Variants in ADGB observed in about 807,000 individuals in gnomAD.
ADGB encodes the protein androglobin, also known as calpain-7-like protein.
Under a neutral mutation model 210.5 loss-of-function variants are expected in ADGB, and 172 were observed. The observed-to-expected ratio is 0.82, with a 90% CI of 0.72 to 0.93. ADGB has a LOEUF of 0.93. Among genes scored for constraint, ADGB ranks in the 40% least tolerant of loss-of-function variants. ADGB has a pLI of 0.00. For missense variants in ADGB, 2,025 were observed against 1,964.8 expected (o/e 1.03, Z -0.58); for synonymous variants, 658 against 662.7 (o/e 0.99, Z 0.11).
At chr6:146,642,763 A>G (rs767632700) in intron 2 of ADGB, among the ~76,000 whole-genome samples, 3 of 151,820 alleles carry the variant, frequency 2.0e-5, no homozygotes, top group Non-Finnish European at 4.4e-5. Context: ...CTACTTGATT[A>G]GGGAGGCTGG....
At chr6:146,747,969 G>A (rs529853904) in intron 26 of ADGB, among the ~76,000 whole-genome samples, 1 of 151,628 alleles carries the variant, frequency 6.6e-6, no homozygotes, top group East Asian at 1.9e-4. Context: ...TTTTTGTAGA[G>A]ATCAGGTCTC....
At chr6:146,806,966 G>A (rs999021175) in intron 35 of ADGB, among the ~76,000 whole-genome samples, 4 of 152,242 alleles carry the variant, frequency 2.6e-5, no homozygotes, top group Non-Finnish European at 4.4e-5. Context: ...AGTAACCAAC[G>A]GATTTGGCCA....
intron 27 of ADGB, among the ~76,000 whole-genome samples, chr6:146,758,311 G>T (rs1777439209): frequency 1.3e-5 from 2 of 151,928 alleles, no homozygotes; most frequent in African/African-American, 4.8e-5. Context: ...TTCACAGAGG[G>T]AACTCAATTC....
intron 1 of ADGB, among the ~76,000 whole-genome samples, chr6:146,627,666 C>T (rs1780997403): frequency 1.3e-5 from 2 of 152,120 alleles, no homozygotes; most frequent in South Asian, 4.1e-4. Context: ...CTTTGGGTAG[C>T]TTCCTCATGC....
At chr6:146,672,527 A>G in intron 8 of ADGB, 60 bp downstream of exon 8, 1 of 1,456,100 alleles carries the variant, frequency 6.9e-7, no homozygotes, top group Non-Finnish European at 9.1e-7. Context: ...ATGCCTTACA[A>G]TTTTATTTGA....
intron 13 of ADGB, among the ~76,000 whole-genome samples, chr6:146,704,772 A>G (rs928438948): frequency 6.6e-6 from 1 of 151,992 alleles, no homozygotes; most frequent in Admixed American, 6.6e-5. Context: ...GTGGTTTCAC[A>G]TGGATTTTAG....
At chr6:146,658,337 T>A (rs538141410) in intron 5 of ADGB, among the ~76,000 whole-genome samples, 2 of 152,224 alleles carry the variant, frequency 1.3e-5, no homozygotes, top group African/African-American at 4.8e-5. Flanking sequence ...GACTAGACTT[T>A]AAGTTTTAAA....
intron 12 of ADGB, among the ~76,000 whole-genome samples, chr6:146,699,635 A>C (rs75691523): frequency 0.029 from 4,449 of 152,146 alleles, 189 homozygotes; most frequent in African/African-American, 0.1. Context: ...GGCAGCCCTC[A>C]AGCCAGCCAA....
chr6:146,611,706 T>G (rs1780713969), intron 1 of ADGB, among the ~76,000 whole-genome samples: 1 of 152,062 alleles, frequency 6.6e-6, no homozygotes, highest in African/African-American at 2.4e-5. Context: ...CTTCTGAAGA[T>G]CAAATAATAT....
chr6:146,737,569 T>C (rs1777097905), intron 23 of ADGB, among the ~76,000 whole-genome samples: 1 of 152,224 alleles, frequency 6.6e-6, no homozygotes, highest in African/African-American at 2.4e-5. Context: ...GATTACTTGA[T>C]TAACCTTTAC....
At chr6:146,742,410 CTT>C (rs1446931856) in intron 25 of ADGB, among the ~76,000 whole-genome samples, 4 of 151,622 alleles carry the variant, frequency 2.6e-5, no homozygotes, top group Admixed American at 6.6e-5. Flanking sequence ...CAAATTGTAA[CTT>C]AAGCTTAAAT....
intron 9 of ADGB, 94 bp from the exon 10 acceptor site, chr6:146,685,639 TA>T: frequency 1.8e-6 from 1 of 563,760 alleles, no homozygotes; most frequent in Non-Finnish European, 2.9e-6. Context: ...AGCCCGAAGA[TA>T]AATTCATTAA....
At chr6:146,622,348 T>TCCA (rs1175785695) in intron 1 of ADGB, among the ~76,000 whole-genome samples, 1 of 152,150 alleles carries the variant, frequency 6.6e-6, no homozygotes, top group African/African-American at 2.4e-5. Context: ...GGTTCTTACC[T>TCCA]GGAGATTCTG....
chr6:146,691,500 A>ATATATTTTTT (rs1257984997), intron 11 of ADGB, among the ~76,000 whole-genome samples: 1 of 13,640 alleles, frequency 7.3e-5, no homozygotes, highest in Non-Finnish European at 1.0e-4. Context: ...ATATATATAT[A>ATATATTTTTT]TTTTTTTTTT....
intron 29 of ADGB, among the ~76,000 whole-genome samples, chr6:146,775,833 TA>T (rs1777713073): frequency 1.3e-5 from 2 of 151,754 alleles, no homozygotes; most frequent in Non-Finnish European, 2.9e-5. Flanking sequence ...TTTATATATA[TA>T]AAAAGACTTT....
At chr6:146,813,819 C>T (rs1778339782) in intron 35 of ADGB, among the ~76,000 whole-genome samples, 1 of 152,162 alleles carries the variant, frequency 6.6e-6, no homozygotes, top group South Asian at 2.1e-4. Context: ...TCCCCATTTC[C>T]TCCCTAACTC....
rs150951273 is a variant in ADGB, at chr6:146,643,854, G to A, written c.238-919G>A. ...AACTATTGATACCTGAAACAACTTG[G>A]ATGAATCTCCAGAGAATTATACTGA... On this transcript the variant is annotated intron_variant, in intron 2 of 35. Transcript: ENST00000397944. Among the ~76,000 whole-genome samples, 14 of 151,900 alleles carry A rather than the reference G, an allele frequency of 9.2e-5. No individual in the cohort carries two copies. The East Asian group carries it at 2.7e-3, about 29-fold the overall frequency.
rs145619071 is a variant in ADGB, at chr6:146,726,400, T to C, written c.2352+203T>C. ...ACCACACCCTGCAGATTTTTTTGTA[T>C]TTTTATTAGAGACGGGGTTTCACTA... On this transcript the variant is annotated intron_variant, in intron 19 of 35. Coordinates refer to ENST00000397944, the MANE Select transcript of ADGB (RefSeq NM_024694.4). Among the ~76,000 whole-genome samples the C allele has an allele frequency of 4.7e-3, 709 of 152,168 alleles. 9 individuals carry two copies. Among genetic ancestry groups the C allele is most frequent in the Non-Finnish European group, 6.6e-3 (451 of 67,996 alleles).
At chr6:146,810,874 A>G (rs1356075102) in intron 35 of ADGB, among the ~76,000 whole-genome samples, 2 of 152,194 alleles carry the variant, frequency 1.3e-5, no homozygotes, top group Admixed American at 6.5e-5. Context: ...TATTTCAGGT[A>G]CAGAATGGAT....
Sources: allele counts gnomAD v4.1 joint callset (sites outside exome capture counted in the v4.1 genomes callset), GRCh38; gene constraint gnomAD v4.1.1; transcripts MANE v1.5; gene names NCBI Gene and HGNC (gene_info 2026-07-23, HGNC 2026-07-21).